The following SHROOM4 variants were observed in gnomAD, a reference collection of about 807,000 sequenced individuals.
The protein encoded by SHROOM4 is protein Shroom4.
In SHROOM4, 17 loss-of-function variants were observed where a neutral mutation model predicts 80.3. The observed-to-expected ratio is 0.21, with a 90% CI of 0.14 to 0.32. The LOEUF (loss-of-function observed/expected upper bound fraction) is 0.32, where lower values mean the gene tolerates loss of function less well. Among genes scored for constraint, SHROOM4 ranks in the 10% least tolerant of loss-of-function variants. SHROOM4 has a pLI of 1.00. For missense variants in SHROOM4, 993 were observed against 1,140.3 expected (o/e 0.87, Z 1.86); for synonymous variants, 400 against 437.5 (o/e 0.91, Z 1.07).
intron 2 of SHROOM4, among the ~76,000 whole-genome samples, chrX:50,677,648 A>G (rs1259658162): frequency 8.9e-6 from 1 of 111,763 alleles, no homozygotes. Context: ...CCAACTTATC[A>G]GTCCACTGCT....
At chrX:50,649,999 T>C (rs1931979098) in intron 2 of SHROOM4, among the ~76,000 whole-genome samples, 1 of 111,884 alleles carries the variant, frequency 8.9e-6, no homozygotes. Flanking sequence ...TGTCCAACAT[T>C]TAGGAAGAGT....
chrX:50,695,989 C>T (rs781933324), intron 1 of SHROOM4, 52 bp from the exon 2 acceptor site: 5 of 1,185,977 alleles, frequency 4.2e-6, no homozygotes, highest in Non-Finnish European at 5.7e-6. Flanking sequence ...ACTTTCTCCC[C>T]AAAATTCTAC....
At chrX:50,759,259 GAC>G (rs1163792512) in intron 1 of SHROOM4, among the ~76,000 whole-genome samples, 1 of 111,652 alleles carries the variant, frequency 9.0e-6, no homozygotes, top group Non-Finnish European at 1.9e-5. Flanking sequence ...CACATATTGA[GAC>G]ACTAGACACA....
intron 2 of SHROOM4, among the ~76,000 whole-genome samples, chrX:50,657,113 G>A (rs980923010): frequency 9.0e-6 from 1 of 111,546 alleles, no homozygotes; most frequent in African/African-American, 3.2e-5. Context: ...TTTGTATCCT[G>A]CAACTTTACT....
chrX:50,793,833 A>G (rs1935903675), intron 1 of SHROOM4, among the ~76,000 whole-genome samples: 2 of 110,368 alleles, frequency 1.8e-5, no homozygotes, highest in African/African-American at 6.6e-5. Context: ...GTCTTTCAAT[A>G]GTTAAAAACT....
At chrX:50,811,406 G>T (rs1557273431) in intron 1 of SHROOM4, among the ~76,000 whole-genome samples, 1 of 110,414 alleles carries the variant, frequency 9.1e-6, no homozygotes, top group African/African-American at 3.3e-5. Context: ...CCTAGACCCA[G>T]GTAGGGCAAG....
intron 5 of SHROOM4, among the ~76,000 whole-genome samples, chrX:50,618,557 T>A (rs1930431030): frequency 9.2e-6 from 1 of 109,276 alleles, no homozygotes; most frequent in Non-Finnish European, 1.9e-5. Flanking sequence ...CTAGCTAATT[T>A]TTGTATTTTT....
intron 1 of SHROOM4, among the ~76,000 whole-genome samples, chrX:50,751,802 G>T (rs1404536932): frequency 1.5e-4 from 17 of 111,864 alleles, no homozygotes; most frequent in African/African-American, 5.5e-4. Context: ...CAGTAGTATA[G>T]GGCAGTGGGA....
chrX:50,587,547 C>T lies in SHROOM4; in HGVS notation c.*9148G>A, dbSNP rs1928782627. On this transcript the variant is annotated 3_prime_UTR_variant, in exon 9 of 9. Coordinates refer to ENST00000376020, the MANE Select transcript of SHROOM4 (RefSeq NM_020717.5). ...GCCTATTGCACATAGCTGAAGAAATCAAGGAAGAATGTTTCGCATTGCCAT... is the reference window on the plus strand; with the variant it reads ...GCCTATTGCACATAGCTGAAGAAATTAAGGAAGAATGTTTCGCATTGCCAT... Among the ~76,000 whole-genome samples, 1 of 112,141 alleles carries T rather than the reference C, an allele frequency of 8.9e-6. No homozygotes were observed. The highest frequency in any genetic ancestry group is 4.6e-3 in the Middle Eastern group (1 of 218).
intron 2 of SHROOM4, among the ~76,000 whole-genome samples, chrX:50,645,761 A>G (rs947580478): frequency 9.0e-6 from 1 of 111,120 alleles, no homozygotes; most frequent in Admixed American, 9.6e-5. Flanking sequence ...ATCAAGTATG[A>G]CCTCCTGTGC....
intron 2 of SHROOM4, among the ~76,000 whole-genome samples, chrX:50,646,527 A>AGTGAGTGTGT (rs1931843940): frequency 1.3e-5 from 1 of 78,781 alleles, no homozygotes; most frequent in Non-Finnish European, 2.5e-5. Context: ...AGGGGGGAAG[A>AGTGAGTGTGT]GTGTGTGTGT....
In SHROOM4 at chrX:50,740,282, A is replaced by G. The variant is rs978280486; in HGVS notation, c.118-44345T>C. Among the ~76,000 whole-genome samples, 18 of 109,111 alleles carry G rather than the reference A, an allele frequency of 1.6e-4. No homozygotes were observed. The Admixed American group carries it at 1.7e-3, about 10-fold the overall frequency. The allele number at this position is 109,111 out of a possible 115,157, so 94.7% of individuals were successfully genotyped here. On this transcript the variant is annotated intron_variant, in intron 1 of 8. Transcript: ENST00000376020. Reference sequence around the variant, plus strand: ...CAACATGGCACATGTGTACATATGTAACAAACCTGCACGTTGTGCACATGT... The same window carrying G: ...CAACATGGCACATGTGTACATATGTGACAAACCTGCACGTTGTGCACATGT...
intron 2 of SHROOM4, among the ~76,000 whole-genome samples, chrX:50,665,824 G>A (rs188732103): frequency 9.0e-6 from 1 of 111,578 alleles, no homozygotes; most frequent in Non-Finnish European, 1.9e-5. Flanking sequence ...TAACATTTAC[G>A]GAGTGTCTAT....
chrX:50,799,647 A>G (rs1936079080), intron 1 of SHROOM4, among the ~76,000 whole-genome samples: 1 of 112,296 alleles, frequency 8.9e-6, no homozygotes, highest in African/African-American at 3.2e-5. Flanking sequence ...AAGGCCAGTC[A>G]GACACAACAT....
At chrX:50,660,798 G>A (rs190500586) in intron 2 of SHROOM4, among the ~76,000 whole-genome samples, 4 of 108,431 alleles carry the variant, frequency 3.7e-5, no homozygotes, top group Non-Finnish European at 5.7e-5. Flanking sequence ...TAGACTTTTT[G>A]TCAAGACAGG....
intron 5 of SHROOM4, among the ~76,000 whole-genome samples, chrX:50,619,710 A>AC (rs1557251667): frequency 8.9e-6 from 1 of 112,084 alleles, no homozygotes; most frequent in African/African-American, 3.2e-5. Flanking sequence ...GTTGTCAAGT[A>AC]ATACATACAT....
chrX:50,807,890 T>C (rs1936260744), intron 1 of SHROOM4, among the ~76,000 whole-genome samples: 2 of 111,890 alleles, frequency 1.8e-5, no homozygotes, highest in Non-Finnish European at 3.8e-5. Context: ...ACACAGGGCC[T>C]TGGTATGACA....
rs1387062498 is a variant in SHROOM4 at position 50,591,328 on chromosome X, T to C, written c.*5367A>G. Among the ~76,000 whole-genome samples, 1 of 112,264 alleles carries C rather than the reference T, an allele frequency of 8.9e-6. No individual in the cohort carries two copies. The highest frequency in any genetic ancestry group is 1.9e-5 in the Non-Finnish European group (1 of 53,298). ...TTTGCAGTAAGTTTTGAAGTTGGGA[T>C]GTATGAGCCCTCCAACTGTTCTTTT... On this transcript the variant is annotated 3_prime_UTR_variant, in exon 9 of 9. Transcript: ENST00000376020.
At chrX:50,651,157 T>C (rs1265689678) in intron 2 of SHROOM4, among the ~76,000 whole-genome samples, 2 of 111,998 alleles carry the variant, frequency 1.8e-5, no homozygotes, top group East Asian at 2.8e-4. Context: ...AGCTGCCTGA[T>C]AGACTTGGTG....
Sources: allele counts gnomAD v4.1 joint callset (sites outside exome capture counted in the v4.1 genomes callset), GRCh38; gene constraint gnomAD v4.1.1; transcripts MANE v1.5; gene names NCBI Gene and HGNC (gene_info 2026-07-23, HGNC 2026-07-21).